The following EHBP1 variants were observed in gnomAD, a reference collection of about 807,000 sequenced individuals.
EHBP1 encodes EH domain binding protein 1, also known as EH domain-binding protein 1.
EHBP1 carries 55 observed loss-of-function variants against 144.0 expected under a neutral mutation model. The observed-to-expected ratio is 0.38, with a 90% CI of 0.31 to 0.48. EHBP1 has a LOEUF of 0.48. Ranked by LOEUF, EHBP1 falls within the 20% of genes least tolerant of loss-of-function variation. EHBP1 has a pLI of 0.98. For synonymous variants in EHBP1, 469 were observed against 472.7 expected, an observed-to-expected ratio of 0.99 and a Z score of 0.10; for missense variants, 1,200 against 1,364.2, an observed-to-expected ratio of 0.88 and a Z score of 1.90.
chr2:62,767,598 G>A (rs1487214843), intron 4 of EHBP1, among the ~76,000 whole-genome samples: 1 of 152,020 alleles, frequency 6.6e-6, no homozygotes, highest in African/African-American at 2.4e-5. Flanking sequence ...ACTGTGGGAG[G>A]TTGAGGCAAG....
intron 3 of EHBP1, among the ~76,000 whole-genome samples, chr2:62,753,397 G>T (rs2039947184): frequency 6.6e-6 from 1 of 152,052 alleles, no homozygotes; most frequent in Non-Finnish European, 1.5e-5. Context: ...GCTTCCCTTT[G>T]TGGGTAACCC....
At chr2:63,032,447 A>G (rs1157973879) in intron 19 of EHBP1, among the ~76,000 whole-genome samples, 1 of 150,846 alleles carries the variant, frequency 6.6e-6, no homozygotes, top group Non-Finnish European at 1.5e-5. Flanking sequence ...GGGCGCCTGT[A>G]GTCCCAGCTA....
chr2:62,972,574 A>G (rs17408037), intron 14 of EHBP1, among the ~76,000 whole-genome samples: 17,513 of 152,234 alleles, frequency 0.12, 1,363 homozygotes, highest in Non-Finnish European at 0.17. Context: ...CTTTTCCTTC[A>G]TGACCTTAAC....
rs571259556 is a variant in EHBP1, at chr2:62,719,731, T to G, written c.104+12436T>G. Among the ~76,000 whole-genome samples the G allele has an allele frequency of 2.6e-5, 4 of 152,344 alleles. No individual in the cohort carries two copies. In the East Asian group the frequency reaches 7.7e-4, roughly 29 times the overall value. On this transcript the variant is annotated intron_variant, in intron 2 of 22. Transcript: ENST00000431489. The stretch of plus-strand genomic sequence containing the variant: ...AAACAATATTTACATAGCATTTACA[T>G]TGTATTAGATATTATAAGTAATTTA...
At position 62,962,390 on chromosome 2, in the gene EHBP1, T is replaced by G. The variant is rs142223559; in HGVS notation, c.2460+6730T>G. Reference sequence around the variant, plus strand: ...AGATGCTTTTGCTAATTATTTTGCATTGGAATATAATTGCTTTTTAAAAAA... The same window carrying G: ...AGATGCTTTTGCTAATTATTTTGCAGTGGAATATAATTGCTTTTTAAAAAA... On this transcript the variant is annotated intron_variant, in intron 14 of 22. Transcript: ENST00000431489. Among the ~76,000 whole-genome samples, 169 of 152,346 alleles carry G rather than the reference T, an allele frequency of 1.1e-3. 1 individual carries two copies. Among genetic ancestry groups the G allele is most frequent in the African/African-American group, 3.8e-3 (160 of 41,584 alleles).
At chr2:62,808,596 T>A (rs1354964903) in intron 5 of EHBP1, among the ~76,000 whole-genome samples, 1 of 152,212 alleles carries the variant, frequency 6.6e-6, no homozygotes, top group Non-Finnish European at 1.5e-5. Flanking sequence ...TATTCCACCA[T>A]CTCTTCTATA....
chr2:62,687,176 T>C (rs944967933), intron 1 of EHBP1, among the ~76,000 whole-genome samples: 1 of 152,254 alleles, frequency 6.6e-6, no homozygotes, highest in Non-Finnish European at 1.5e-5. Context: ...AAATATTCTC[T>C]AAGATCCCTG....
intron 7 of EHBP1, among the ~76,000 whole-genome samples, chr2:62,841,057 A>G (rs1281523826): frequency 6.6e-6 from 1 of 152,200 alleles, no homozygotes; most frequent in African/African-American, 2.4e-5. Context: ...TTATTGCGGC[A>G]TTATTCACAA....
At chr2:62,783,149 C>T (rs1337221063) in intron 5 of EHBP1, among the ~76,000 whole-genome samples, 1 of 152,216 alleles carries the variant, frequency 6.6e-6, no homozygotes, top group African/African-American at 2.4e-5. Context: ...TGCCATATCT[C>T]ACAGCTAGGT....
chr2:62,681,360 A>ATAT (rs1276350365), intron 1 of EHBP1, among the ~76,000 whole-genome samples: 6 of 26,622 alleles, frequency 2.3e-4, no homozygotes, highest in Admixed American at 1.1e-3. Context: ...ATATATATAT[A>ATAT]ATGTGTATAT....
chr2:62,758,950 A>G (rs1367363710), intron 3 of EHBP1, among the ~76,000 whole-genome samples: 1 of 152,212 alleles, frequency 6.6e-6, no homozygotes, highest in African/African-American at 2.4e-5. Flanking sequence ...GCATTTGTAA[A>G]TTTTCACTGA....
chr2:62,888,275 A>C (rs954316341), intron 10 of EHBP1, among the ~76,000 whole-genome samples: 21 of 152,254 alleles, frequency 1.4e-4, no homozygotes, highest in African/African-American at 4.6e-4. Flanking sequence ...ACTCACTTAC[A>C]GGCCCTTGTA....
At chr2:62,883,070 T>G (rs182833767) in intron 10 of EHBP1, among the ~76,000 whole-genome samples, 60 of 151,820 alleles carry the variant, frequency 4.0e-4, no homozygotes, top group Non-Finnish European at 6.9e-4. Context: ...TACCATTATC[T>G]CTGTTTTACA....
At chr2:62,736,979 G>A (rs956259155) in intron 2 of EHBP1, among the ~76,000 whole-genome samples, 1 of 152,190 alleles carries the variant, frequency 6.6e-6, no homozygotes, top group African/African-American at 2.4e-5. Flanking sequence ...AGTAAGGACT[G>A]GGTTTGGGGG....
intron 10 of EHBP1, among the ~76,000 whole-genome samples, chr2:62,908,495 A>C (rs552814303): frequency 3.3e-5 from 5 of 152,042 alleles, no homozygotes; most frequent in African/African-American, 1.2e-4. Flanking sequence ...TAGTTTCTTA[A>C]GGTGGAGGCT....
At chr2:63,042,585 A>G (rs2061710313) in intron 21 of EHBP1, among the ~76,000 whole-genome samples, 1 of 152,048 alleles carries the variant, frequency 6.6e-6, no homozygotes, top group African/African-American at 2.4e-5. Context: ...AATTACCTAA[A>G]TATTCTTAAT....
intron 4 of EHBP1, among the ~76,000 whole-genome samples, chr2:62,765,459 G>A (rs1002391003): frequency 6.6e-6 from 1 of 152,050 alleles, no homozygotes; most frequent in Non-Finnish European, 1.5e-5. Context: ...ATTCTTGAGA[G>A]CCTTGCTATG....
chr2:62,965,017 A>G (rs2058178413), intron 14 of EHBP1: 1 of 152,620 alleles, frequency 6.6e-6, no homozygotes, highest in Non-Finnish European at 1.5e-5. Context: ...AAAATTCACG[A>G]AAGAAGTCCA....
intron 5 of EHBP1, among the ~76,000 whole-genome samples, chr2:62,783,841 T>C (rs2042626389): frequency 6.6e-6 from 1 of 152,228 alleles, no homozygotes; most frequent in Admixed American, 6.5e-5. Flanking sequence ...CCTCATTACT[T>C]ATGCAAATTT....
Sources: allele counts gnomAD v4.1 joint callset (sites outside exome capture counted in the v4.1 genomes callset), GRCh38; gene constraint gnomAD v4.1.1; transcripts MANE v1.5; gene names NCBI Gene and HGNC (gene_info 2026-07-23, HGNC 2026-07-21).